Variants in UNC79 observed in about 807,000 individuals in gnomAD.
UNC79 encodes the protein protein unc-79 homolog.
A neutral mutation model predicts 283.1 loss-of-function variants in UNC79; 37 were observed. The observed-to-expected ratio is 0.13, with a 90% CI of 0.10 to 0.17. UNC79 has a LOEUF of 0.17. Ranked by LOEUF, UNC79 falls within the 10% of genes least tolerant of loss-of-function variation. The pLI is 1.00. For synonymous variants in UNC79, 1,107 were observed against 1,200.2 expected (o/e 0.92, Z 1.61); for missense variants, 2,272 against 3,211.1 (o/e 0.71, Z 7.07).
chr14:93,593,911 G>A, intron 23 of UNC79, 74 bp downstream of exon 23: 1 of 1,451,688 alleles, frequency 6.9e-7, no homozygotes. Context: ...ATCTTTTTTG[G>A]CACCTCCTTT....
chr14:93,407,489 G>C (rs191009995), intron 1 of UNC79, among the ~76,000 whole-genome samples: 7 of 152,282 alleles, frequency 4.6e-5, no homozygotes, highest in Admixed American at 3.9e-4. Flanking sequence ...GCCCCACCAG[G>C]TTCTCATGAT....
At chr14:93,550,719 C>T (rs1404800033) in intron 14 of UNC79, among the ~76,000 whole-genome samples, 1 of 152,074 alleles carries the variant, frequency 6.6e-6, no homozygotes, top group Non-Finnish European at 1.5e-5. Flanking sequence ...AAAGTTCCAA[C>T]AGCTTCAATT....
intron 1 of UNC79, chr14:93,348,365 C>A: frequency 2.4e-6 from 1 of 425,160 alleles, no homozygotes; most frequent in Non-Finnish European, 4.2e-6. Context: ...AATATGTGTG[C>A]AGATTATTTT....
chr14:93,643,067 T>C (rs1315373814), intron 33 of UNC79, among the ~76,000 whole-genome samples: 3 of 152,210 alleles, frequency 2.0e-5, no homozygotes, highest in Non-Finnish European at 4.4e-5. Context: ...TCCTCAGGCT[T>C]TCCAGATGGT....
chr14:93,455,468 TGTGCGTGCATCTGCATGCGTGC>T (rs1288443329), intron 1 of UNC79, among the ~76,000 whole-genome samples: 1 of 152,226 alleles, frequency 6.6e-6, no homozygotes, highest in African/African-American at 2.4e-5. Flanking sequence ...AGAGTGTGTG[TGTGCGTGCATCTGCATGCGTGC>T]GTGTGTCTGT....
Position 93,690,732 on chromosome 14 carries a change from T to C in UNC79, c.7272+429T>C, listed in dbSNP as rs1049329299. The C allele has an allele frequency of 1.8e-5, 3 of 164,476 alleles. No individual in the cohort carries two copies. Among genetic ancestry groups the C allele is most frequent in the African/African-American group, 7.2e-5 (3 of 41,496 alleles). 10.2% of individuals were successfully genotyped at this position (164,476 alleles called of 1,614,324 possible). A position where few individuals can be genotyped will look rare whatever the true frequency, so the allele number is the denominator to read the frequency against. ...TCTAGAGATACAGGAAAATACAAAA[T>C]GAAAACAAGAAGGCCAGTTGGGAAC... On this transcript the variant is annotated intron_variant, in intron 45 of 48. Coordinates refer to ENST00000555664, the Ensembl canonical transcript of UNC79. This position sits in a 1 kb window ranked among gnomAD's most constrained non-coding sequence, Gnocchi z 4.3.
At chr14:93,597,308 C>T in intron 23 of UNC79, 51 bp from the exon 24 acceptor site, 3 of 1,573,948 alleles carry the variant, frequency 1.9e-6, no homozygotes, top group Non-Finnish European at 2.6e-6. Flanking sequence ...TATGCGTGTG[C>T]CTGTAGGTGT....
intron 47 of UNC79, among the ~76,000 whole-genome samples, chr14:93,699,590 T>C (rs2075387184): frequency 6.6e-6 from 1 of 152,172 alleles, no homozygotes; most frequent in Admixed American, 6.5e-5. Context: ...GTTGTGTTAG[T>C]GGTTGATTCA....
At chr14:93,389,242 A>G (rs983547578) in intron 1 of UNC79, among the ~76,000 whole-genome samples, 1 of 152,216 alleles carries the variant, frequency 6.6e-6, no homozygotes, top group African/African-American at 2.4e-5. Flanking sequence ...AAGTTGCTCA[A>G]ACCTAAGATG....
chr14:93,381,157 G>A (rs914885852), intron 1 of UNC79, among the ~76,000 whole-genome samples: 1 of 152,206 alleles, frequency 6.6e-6, no homozygotes, highest in Non-Finnish European at 1.5e-5. Context: ...CAGTTCTAAA[G>A]TGAGATGGAA....
intron 1 of UNC79, among the ~76,000 whole-genome samples, chr14:93,431,694 G>A (rs1210730081): frequency 2.0e-5 from 3 of 152,214 alleles, no homozygotes; most frequent in African/African-American, 7.2e-5. Context: ...TCTAATTATT[G>A]TTCCAAAGAG....
chr14:93,572,167 A>T, intron 15 of UNC79, 83 bp downstream of exon 15: 1 of 1,418,054 alleles, frequency 7.1e-7, no homozygotes, highest in Non-Finnish European at 9.4e-7. Context: ...CGGTCACCCT[A>T]CTAAGCGTTT....
At chr14:93,525,893 AG>A (rs2060523738) in intron 8 of UNC79, among the ~76,000 whole-genome samples, 1 of 152,140 alleles carries the variant, frequency 6.6e-6, no homozygotes, top group Admixed American at 6.5e-5. Context: ...CTTCTTTTCT[AG>A]GCAAACAGCC....
At chr14:93,479,751 T>G (rs2058025685) in intron 4 of UNC79, among the ~76,000 whole-genome samples, 1 of 152,160 alleles carries the variant, frequency 6.6e-6, no homozygotes, top group Non-Finnish European at 1.5e-5. Context: ...CCTTTTGCCT[T>G]AGGCTCCCAA....
intron 14 of UNC79, among the ~76,000 whole-genome samples, chr14:93,565,840 G>A (rs1035545389): frequency 1.3e-5 from 2 of 152,166 alleles, no homozygotes; most frequent in African/African-American, 4.8e-5. Flanking sequence ...AAACTGATCA[G>A]CTGTTTCAAT....
chr14:93,508,179 C>T (rs1286141525), intron 7 of UNC79, among the ~76,000 whole-genome samples: 1 of 150,292 alleles, frequency 6.7e-6, no homozygotes, highest in Non-Finnish European at 1.5e-5. Context: ...ATTTTAGCAT[C>T]AGCTTTCAAT....
rs1018637369 is a variant in UNC79, at chr14:93,688,357, A to G, written c.6910-308A>G. 4.6e-5 allele frequency among the ~76,000 whole-genome samples: 7 copies of G among 152,162 alleles called. No individual in the cohort carries two copies. The highest frequency in any genetic ancestry group is 1.4e-4 in the African/African-American group (6 of 41,442). On this transcript the variant is annotated intron_variant, in intron 43 of 48. Coordinates refer to ENST00000555664, the Ensembl canonical transcript of UNC79. The surrounding 1 kb of genome is among the most constrained non-coding windows in gnomAD (Gnocchi z 4.0). ...AGCTAAAACCTGAACAATTAGGTGA[A>G]GAGAGGCAGGAATGGCATTCCAGAC... is the stretch of plus-strand genomic sequence containing the variant.
intron 24 of UNC79, among the ~76,000 whole-genome samples, 162 bp downstream of exon 24, chr14:93,597,702 C>T (rs773144188): frequency 6.6e-6 from 1 of 152,112 alleles, no homozygotes; most frequent in Non-Finnish European, 1.5e-5. Context: ...GATTGTCTGC[C>T]GAGGGCCTGC....
intron 40 of UNC79, among the ~76,000 whole-genome samples, chr14:93,668,116 A>T (rs1420424633): frequency 6.6e-6 from 1 of 152,210 alleles, no homozygotes; most frequent in Admixed American, 6.5e-5. Flanking sequence ...GTCTATCATC[A>T]CTGTTTCTAT....
Sources: allele counts gnomAD v4.1 joint callset (sites outside exome capture counted in the v4.1 genomes callset), GRCh38; gene constraint gnomAD v4.1.1; non-coding constraint Gnocchi (gnomAD v3.1); transcripts MANE v1.5; gene names NCBI Gene and HGNC (gene_info 2026-07-23, HGNC 2026-07-21).